Variants in KCND2 observed in about 807,000 individuals in gnomAD.
KCND2 encodes the protein A-type voltage-gated potassium channel KCND2.
KCND2 carries 16 observed loss-of-function variants against 54.4 expected under a neutral mutation model. That is an observed-to-expected ratio of 0.29 (90% confidence interval 0.20 to 0.45). KCND2 has a LOEUF of 0.45. KCND2 is among the 20% of genes least tolerant of loss of function. The pLI is 1.00. For synonymous variants in KCND2, 317 were observed against 310.7 expected (o/e 1.02, Z -0.21); for missense variants, 486 against 824.2 (o/e 0.59, Z 5.02).
intron 1 of KCND2, among the ~76,000 whole-genome samples, chr7:120,407,189 G>A (rs145497841): frequency 1.1e-4 from 16 of 152,070 alleles, no homozygotes; most frequent in African/African-American, 2.2e-4. Flanking sequence ...TGTTTTTCCC[G>A]TGAATCATCC....
chr7:120,519,944 G>A lies in KCND2; in HGVS notation c.1116-212959G>A, dbSNP rs942125703. On this transcript the variant is annotated intron_variant, in intron 1 of 5. Transcript: ENST00000331113. Reference sequence around the variant, plus strand: ...ATTAAGACATATAATGATTTTGTCAGGTAAGCCATGAATATAAATTACAAA... The same window carrying A: ...ATTAAGACATATAATGATTTTGTCAAGTAAGCCATGAATATAAATTACAAA... 2.0e-5 allele frequency among the ~76,000 whole-genome samples: 3 copies of A among 151,870 alleles called. No individual in the cohort carries two copies. In the East Asian group the frequency reaches 5.8e-4, roughly 29 times the overall value.
intron 1 of KCND2, among the ~76,000 whole-genome samples, chr7:120,657,228 C>G (rs1264500592): frequency 6.6e-6 from 1 of 151,986 alleles, no homozygotes. Context: ...TTGTTCATTT[C>G]CAATAAACAA....
intron 1 of KCND2, among the ~76,000 whole-genome samples, chr7:120,531,970 A>G (rs992757307): frequency 6.6e-6 from 1 of 152,038 alleles, no homozygotes; most frequent in African/African-American, 2.4e-5. Flanking sequence ...GTAATCTCTC[A>G]GTCCTCCAGA....
At chr7:120,276,768 C>T (rs1458472480) in intron 1 of KCND2, among the ~76,000 whole-genome samples, 1 of 152,018 alleles carries the variant, frequency 6.6e-6, no homozygotes, top group Non-Finnish European at 1.5e-5. Flanking sequence ...TAATGTTAAA[C>T]TGCAGAAAAG....
chr7:120,677,022 G>A (rs1263438042), intron 1 of KCND2, among the ~76,000 whole-genome samples: 1 of 152,084 alleles, frequency 6.6e-6, no homozygotes, highest in African/African-American at 2.4e-5. Flanking sequence ...AATCCAATGG[G>A]TAATACCCAC....
intron 1 of KCND2, among the ~76,000 whole-genome samples, chr7:120,609,195 G>A (rs932467420): frequency 4.6e-5 from 7 of 151,944 alleles, no homozygotes; most frequent in East Asian, 3.9e-4. Flanking sequence ...GCTGATGTCC[G>A]TAGCCTACTA....
chr7:120,723,410 T>C (rs998323108), intron 1 of KCND2, among the ~76,000 whole-genome samples: 2 of 152,196 alleles, frequency 1.3e-5, no homozygotes, highest in African/African-American at 2.4e-5. Context: ...CTAAGATTAG[T>C]AGCATCCAAG....
At chr7:120,495,645 C>A (rs993706807) in intron 1 of KCND2, among the ~76,000 whole-genome samples, 2 of 152,066 alleles carry the variant, frequency 1.3e-5, no homozygotes, top group Admixed American at 6.6e-5. Context: ...TCCTAAATTT[C>A]ATAGACTAAA....
chr7:120,324,065 T>A (rs1392110410), intron 1 of KCND2, among the ~76,000 whole-genome samples: 1 of 151,000 alleles, frequency 6.6e-6, no homozygotes, highest in Admixed American at 6.6e-5. Flanking sequence ...GTGAGCATTT[T>A]TTCCTGTGTT....
At chr7:120,356,845 A>G (rs532126531) in intron 1 of KCND2, among the ~76,000 whole-genome samples, 1 of 152,178 alleles carries the variant, frequency 6.6e-6, no homozygotes, top group South Asian at 2.1e-4. Context: ...CGCAAGCTCC[A>G]TGTGAATCCA....
At chr7:120,560,282 G>A (rs1482932472) in intron 1 of KCND2, among the ~76,000 whole-genome samples, 2 of 152,102 alleles carry the variant, frequency 1.3e-5, no homozygotes, top group Admixed American at 1.3e-4. Context: ...ATATTAATCA[G>A]CAGAAGAAAT....
At chr7:120,385,325 A>G (rs1800973042) in intron 1 of KCND2, among the ~76,000 whole-genome samples, 1 of 151,954 alleles carries the variant, frequency 6.6e-6, no homozygotes, top group Admixed American at 6.6e-5. Context: ...CATAAATCCC[A>G]TCATTTCGTA....
intron 1 of KCND2, among the ~76,000 whole-genome samples, chr7:120,299,366 A>G (rs1799555321): frequency 6.6e-6 from 1 of 151,996 alleles, no homozygotes; most frequent in South Asian, 2.1e-4. Flanking sequence ...GATTTTCACC[A>G]TTCTTTTGTG....
intron 1 of KCND2, among the ~76,000 whole-genome samples, chr7:120,331,985 T>C (rs1800076059): frequency 6.6e-6 from 1 of 152,110 alleles, no homozygotes; most frequent in South Asian, 2.1e-4. Context: ...TTCACTCCAT[T>C]ATCACCACCT....
Position 120,441,360 on chromosome 7 carries a change from G to T in KCND2, c.1115+165613G>T, listed in dbSNP as rs930708441. Among the ~76,000 whole-genome samples the T allele has an allele frequency of 4.6e-5, 7 of 152,026 alleles. No individual in the cohort carries two copies. In the South Asian group the frequency reaches 1.4e-3, roughly 31 times the overall value. On this transcript the variant is annotated intron_variant, in intron 1 of 5. Coordinates refer to ENST00000331113, the MANE Select transcript of KCND2 (RefSeq NM_012281.3). ...ATGTATATGGCACATAGTAGGGCAT[G>T]TATATGTATATTCCCTTTATTTGTG... is the stretch of plus-strand genomic sequence containing the variant.
intron 1 of KCND2, among the ~76,000 whole-genome samples, chr7:120,589,898 A>G (rs1489659640): frequency 1.3e-5 from 2 of 152,214 alleles, no homozygotes; most frequent in Non-Finnish European, 2.9e-5. Flanking sequence ...TCAATGAATT[A>G]CTATTATTAT....
chr7:120,317,977 G>A (rs973518498), intron 1 of KCND2, among the ~76,000 whole-genome samples: 1 of 152,162 alleles, frequency 6.6e-6, no homozygotes, highest in Admixed American at 6.6e-5. Flanking sequence ...AATTAAACAA[G>A]CATTCATTAA....
At chr7:120,424,064 T>G (rs1280713010) in intron 1 of KCND2, among the ~76,000 whole-genome samples, 1 of 152,218 alleles carries the variant, frequency 6.6e-6, no homozygotes, top group African/African-American at 2.4e-5. Flanking sequence ...GCTAATTACT[T>G]TGTAATTTTC....
chr7:120,449,827 G>A (rs563041516), intron 1 of KCND2, among the ~76,000 whole-genome samples: 1 of 152,292 alleles, frequency 6.6e-6, no homozygotes, highest in East Asian at 1.9e-4. Flanking sequence ...AATCTTTAAT[G>A]ACAAAGTGAC....
Sources: allele counts gnomAD v4.1 joint callset (sites outside exome capture counted in the v4.1 genomes callset), GRCh38; gene constraint gnomAD v4.1.1; transcripts MANE v1.5; gene names NCBI Gene and HGNC (gene_info 2026-07-23, HGNC 2026-07-21).